Variants in TRAPPC9 observed in about 807,000 individuals in gnomAD.
TRAPPC9 encodes IKK2 binding protein.
A neutral mutation model predicts 124.0 loss-of-function variants in TRAPPC9; 83 were observed. The observed-to-expected ratio is 0.67, with a 90% CI of 0.56 to 0.80. The LOEUF is 0.80. TRAPPC9 is among the 30% of genes least tolerant of loss of function. TRAPPC9 has a pLI of 0.00. For missense variants in TRAPPC9, 1,302 were observed against 1,508.3 expected, an observed-to-expected ratio of 0.86 and a Z score of 2.27; for synonymous variants, 638 against 617.5, an observed-to-expected ratio of 1.03 and a Z score of -0.49.
intron 5 of TRAPPC9, 55 bp from the exon 6 acceptor site, chr8:140,405,753 T>G: frequency 6.2e-7 from 1 of 1,607,642 alleles, no homozygotes; most frequent in South Asian, 1.1e-5. Flanking sequence ...GTATTATTTC[T>G]TTGTTAAAGA....
chr8:140,023,867 G>A, intron 18 of TRAPPC9, 70 bp downstream of exon 18: 1 of 1,608,626 alleles, frequency 6.2e-7, no homozygotes, highest in East Asian at 2.2e-5. Flanking sequence ...AACACACTGA[G>A]GTCAGGATTC....
intron 19 of TRAPPC9, among the ~76,000 whole-genome samples, chr8:139,920,053 G>A (rs902244292): frequency 6.6e-6 from 1 of 152,182 alleles, no homozygotes; most frequent in Non-Finnish European, 1.5e-5. Flanking sequence ...ATATCTATCA[G>A]ATTCTTTACC....
chr8:139,813,332 G>A (rs1238679608), intron 21 of TRAPPC9, among the ~76,000 whole-genome samples: 2 of 152,228 alleles, frequency 1.3e-5, no homozygotes, highest in Non-Finnish European at 2.9e-5. Context: ...AAGGGAGGGG[G>A]AGCACCAGCT....
chr8:139,944,332 A>G (rs529270803), intron 19 of TRAPPC9, among the ~76,000 whole-genome samples: 11 of 152,204 alleles, frequency 7.2e-5, no homozygotes, highest in Non-Finnish European at 1.3e-4. Context: ...AATATAAAAT[A>G]TTGTTTTCTT....
chr8:140,005,186 G>C (rs1048057484), intron 18 of TRAPPC9, among the ~76,000 whole-genome samples: 5 of 152,066 alleles, frequency 3.3e-5, no homozygotes, highest in Non-Finnish European at 7.4e-5. Context: ...ACCAGATCAG[G>C]GTTTCTGAAA....
intron 17 of TRAPPC9, among the ~76,000 whole-genome samples, chr8:140,049,245 C>T (rs916445652): frequency 6.6e-6 from 1 of 152,220 alleles, no homozygotes; most frequent in Non-Finnish European, 1.5e-5. Context: ...GGCCTGCGGG[C>T]CCAGAGTTGG....
intron 19 of TRAPPC9, among the ~76,000 whole-genome samples, chr8:139,937,521 C>T (rs534278333): frequency 3.9e-5 from 6 of 152,066 alleles, no homozygotes; most frequent in African/African-American, 1.2e-4. Context: ...CAGGAGCAGG[C>T]GGAGGCTGGA....
intron 7 of TRAPPC9, among the ~76,000 whole-genome samples, chr8:140,395,892 T>C (rs2069079014): frequency 6.6e-6 from 1 of 151,962 alleles, no homozygotes; most frequent in Non-Finnish European, 1.5e-5. Flanking sequence ...GGCCTGACCA[T>C]CGGGCACCTA....
At chr8:140,443,264 T>A (rs7004225) in intron 2 of TRAPPC9, among the ~76,000 whole-genome samples, 1 of 144,394 alleles carries the variant, frequency 6.9e-6, no homozygotes, top group Non-Finnish European at 1.5e-5. Flanking sequence ...TGAAACCCCG[T>A]CTCTACTAAA....
rs149814685 is a variant in TRAPPC9, at chr8:139,868,619, T to C, written c.3055+17260A>G. Among the ~76,000 whole-genome samples, 40 of 152,334 alleles carry C rather than the reference T, an allele frequency of 2.6e-4. No individual in the cohort carries two copies. In the East Asian group the frequency reaches 6.2e-3, roughly 23 times the overall value. The stretch of plus-strand genomic sequence containing the variant: ...ACCACAGTAACTGTGTTCTGGTCCT[T>C]GCTTTGCAGACTGAATGACAACCTC... On this transcript the variant is annotated intron_variant, in intron 21 of 22. Coordinates refer to ENST00000438773, the MANE Select transcript of TRAPPC9 (RefSeq NM_001160372.4).
At chr8:139,827,852 C>T (rs556148417) in intron 21 of TRAPPC9, among the ~76,000 whole-genome samples, 21 of 152,274 alleles carry the variant, frequency 1.4e-4, no homozygotes, top group African/African-American at 3.1e-4. Flanking sequence ...TCTGGGGAGA[C>T]GTCAAGGAGC....
intron 17 of TRAPPC9, among the ~76,000 whole-genome samples, chr8:140,217,054 T>C (rs151144421): frequency 1.3e-5 from 2 of 152,264 alleles, no homozygotes; most frequent in East Asian, 3.9e-4. Context: ...AGGAGGCCCC[T>C]GAAATCCATC....
intron 2 of TRAPPC9, among the ~76,000 whole-genome samples, chr8:140,440,378 G>A (rs921992289): frequency 1.3e-5 from 2 of 152,042 alleles, no homozygotes; most frequent in Non-Finnish European, 2.9e-5. Context: ...GTGGTGGCAC[G>A]CGCCTGTAGT....
At chr8:140,322,606 T>C (rs913225232) in intron 9 of TRAPPC9, among the ~76,000 whole-genome samples, 33 of 151,936 alleles carry the variant, frequency 2.2e-4, no homozygotes, top group Admixed American at 1.8e-3. Context: ...GGCAGGAGGA[T>C]TGCTTCAGGC....
intron 21 of TRAPPC9, among the ~76,000 whole-genome samples, chr8:139,862,507 C>A (rs533800815): frequency 1.5e-4 from 23 of 152,352 alleles, no homozygotes; most frequent in African/African-American, 5.5e-4. Context: ...CCTCATCAGG[C>A]TCAAGGTCAG....
At chr8:140,057,407 T>C (rs1204411377) in intron 17 of TRAPPC9, among the ~76,000 whole-genome samples, 1 of 152,260 alleles carries the variant, frequency 6.6e-6, no homozygotes, top group Admixed American at 6.5e-5. Context: ...TGCAGTATTA[T>C]TCACAATATC....
chr8:139,871,158 G>A (rs565722558), intron 21 of TRAPPC9, among the ~76,000 whole-genome samples: 2 of 152,308 alleles, frequency 1.3e-5, no homozygotes, highest in Admixed American at 1.3e-4. Flanking sequence ...TCTCAATAAA[G>A]GTAGTTATGC....
intron 11 of TRAPPC9, among the ~76,000 whole-genome samples, chr8:140,297,910 C>T (rs2065858641): frequency 1.3e-5 from 2 of 152,246 alleles, no homozygotes; most frequent in African/African-American, 2.4e-5. Flanking sequence ...GTCTGTCCCA[C>T]ACCTACTGTG....
intron 19 of TRAPPC9, among the ~76,000 whole-genome samples, chr8:139,953,892 A>AC (rs988399563): frequency 6.6e-6 from 1 of 152,214 alleles, no homozygotes; most frequent in African/African-American, 2.4e-5. Flanking sequence ...ATGCCACTAC[A>AC]CATCTGTTAG....
Sources: gnomAD v4.1 joint callset for allele counts (sites outside exome capture counted in the v4.1 genomes callset) on GRCh38, gnomAD v4.1.1 for gene constraint, MANE v1.5 for transcripts, NCBI Gene and HGNC (gene_info 2026-07-23, HGNC 2026-07-21) for gene names.